SHROOM3: variants seen among roughly 807,000 people sequenced by gnomAD.
The protein encoded by SHROOM3 is shroom family member 3.
Under a neutral mutation model 138.6 loss-of-function variants are expected in SHROOM3, and 47 were observed. The ratio of observed to expected loss-of-function variants is 0.34; its 90% CI spans 0.27 to 0.43. The LOEUF (loss-of-function observed/expected upper bound fraction) is 0.43. SHROOM3 is among the 20% of genes least tolerant of loss of function. The pLI, the probability that SHROOM3 is intolerant of heterozygous loss-of-function variation, is 1.00. For synonymous variants in SHROOM3, 1,062 were observed against 1,063.3 expected, an observed-to-expected ratio of 1.00 and a Z score of 0.02; for missense variants, 2,491 against 2,596.5, an observed-to-expected ratio of 0.96 and a Z score of 0.88.
intron 1 of SHROOM3, among the ~76,000 whole-genome samples, chr4:76,474,763 A>C (rs1337007995): frequency 6.6e-6 from 1 of 151,934 alleles, no homozygotes; most frequent in Non-Finnish European, 1.5e-5. Context: ...AAAATACAAA[A>C]AACAACAACA....
rs1722705583 is a variant in SHROOM3, at chr4:76,780,527, T to A, written c.*1350T>A. The A allele has an allele frequency of 6.6e-6, 1 of 150,752 alleles. No homozygotes were observed. The highest frequency in any genetic ancestry group is 2.4e-5 in the African/African-American group (1 of 40,888). 9.3% of individuals were successfully genotyped at this position (150,752 alleles called of 1,614,324 possible). On this transcript the variant is annotated 3_prime_UTR_variant, in exon 11 of 11. Coordinates refer to ENST00000296043, the MANE Select transcript of SHROOM3 (RefSeq NM_020859.4). The stretch of plus-strand genomic sequence containing the variant: ...TCTTAGAAAATTGGGGGAGTAAAAT[T>A]TTGAAGTAAAAAAAAAAAAAAAATG...
chr4:76,566,056 C>T (rs1733714777), intron 2 of SHROOM3, among the ~76,000 whole-genome samples: 2 of 149,758 alleles, frequency 1.3e-5, no homozygotes, highest in African/African-American at 2.5e-5. Context: ...CTGCAGTGAG[C>T]CATGATCGGG....
chr4:76,669,539 G>A (rs111651147), intron 2 of SHROOM3, among the ~76,000 whole-genome samples: 135 of 151,996 alleles, frequency 8.9e-4, no homozygotes, highest in Admixed American at 2.0e-3. Context: ...ACTTGAACCC[G>A]GGAGGTAGAG....
chr4:76,566,938 CT>C (rs1733736912), intron 2 of SHROOM3, among the ~76,000 whole-genome samples: 2 of 152,234 alleles, frequency 1.3e-5, no homozygotes, highest in Admixed American at 6.5e-5. Flanking sequence ...CGTCTTTGTG[CT>C]TTTGCCAGTA....
chr4:76,577,256 GTC>G (rs1733957552), intron 2 of SHROOM3, among the ~76,000 whole-genome samples: 1 of 152,170 alleles, frequency 6.6e-6, no homozygotes, highest in South Asian at 2.1e-4. Context: ...ATTCCTAGTG[GTC>G]TATATCTTTC....
At chr4:76,723,996 A>T (rs953771515) in intron 3 of SHROOM3, among the ~76,000 whole-genome samples, 1 of 152,244 alleles carries the variant, frequency 6.6e-6, no homozygotes, top group African/African-American at 2.4e-5. Context: ...TTGAAGGCAC[A>T]TAGGTGATTA....
At chr4:76,538,865 C>T (rs1001685709) in intron 1 of SHROOM3, among the ~76,000 whole-genome samples, 5 of 152,114 alleles carry the variant, frequency 3.3e-5, no homozygotes, top group Non-Finnish European at 5.9e-5. Context: ...CCCCAAGGAC[C>T]TATTACCCAC....
intron 2 of SHROOM3, among the ~76,000 whole-genome samples, chr4:76,613,622 G>A (rs1030909857): frequency 1.3e-5 from 2 of 152,208 alleles, no homozygotes; most frequent in Non-Finnish European, 2.9e-5. Context: ...TTCGATGGAA[G>A]TCACCCATTC....
chr4:76,565,658 T>A (rs2110035116), intron 2 of SHROOM3, among the ~76,000 whole-genome samples: 1 of 152,234 alleles, frequency 6.6e-6, no homozygotes, highest in African/African-American at 2.4e-5. Context: ...AATTTTTTTA[T>A]TTTTTGTAGA....
intron 2 of SHROOM3, among the ~76,000 whole-genome samples, chr4:76,619,641 G>A (rs1219345714): frequency 6.6e-6 from 1 of 152,166 alleles, no homozygotes; most frequent in Admixed American, 6.5e-5. Flanking sequence ...TGAGAGGCGA[G>A]CTACTGTTTT....
At chr4:76,699,280 G>A (rs933528834) in intron 2 of SHROOM3, among the ~76,000 whole-genome samples, 12 of 152,138 alleles carry the variant, frequency 7.9e-5, no homozygotes, top group Non-Finnish European at 1.5e-4. Context: ...ATTCCAACTC[G>A]GAGCCTGCAT....
intron 2 of SHROOM3, among the ~76,000 whole-genome samples, chr4:76,582,539 C>T (rs942651130): frequency 6.6e-6 from 1 of 152,186 alleles, no homozygotes; most frequent in Non-Finnish European, 1.5e-5. Context: ...CAAGGCTATT[C>T]ATCTTGGTCT....
chr4:76,738,074 C>T (rs1310135195), intron 4 of SHROOM3, among the ~76,000 whole-genome samples: 1 of 152,126 alleles, frequency 6.6e-6, no homozygotes, highest in African/African-American at 2.4e-5. Flanking sequence ...AATCCCAGCA[C>T]CGAAGAGCCC....
chr4:76,749,573 C>G (rs1043946383), intron 6 of SHROOM3, among the ~76,000 whole-genome samples: 24 of 152,312 alleles, frequency 1.6e-4, no homozygotes, highest in East Asian at 1.5e-3. Flanking sequence ...TGCAGAGCAT[C>G]ACATCTGGTG....
chr4:76,527,848 C>A (rs1366978364), intron 1 of SHROOM3, among the ~76,000 whole-genome samples: 1 of 152,152 alleles, frequency 6.6e-6, no homozygotes, highest in African/African-American at 2.4e-5. Context: ...GCCCTGCTGG[C>A]CAGAGAAATG....
chr4:76,557,383 C>G (rs1352403684), intron 2 of SHROOM3, among the ~76,000 whole-genome samples: 1 of 152,038 alleles, frequency 6.6e-6, no homozygotes, highest in African/African-American at 2.4e-5. Flanking sequence ...AAAACTGTAT[C>G]TTCTCACTTA....
intron 1 of SHROOM3, among the ~76,000 whole-genome samples, chr4:76,488,410 G>A (rs1401833391): frequency 2.0e-5 from 3 of 152,160 alleles, no homozygotes; most frequent in Non-Finnish European, 4.4e-5. Context: ...ATGTATACTT[G>A]AGTAGGAGGT....
intron 8 of SHROOM3, among the ~76,000 whole-genome samples, chr4:76,757,339 A>G (rs752345972): frequency 2.6e-4 from 40 of 152,198 alleles, no homozygotes; most frequent in Non-Finnish European, 5.0e-4. Context: ...CATGTGAGTG[A>G]TGGCACCTGG....
At chr4:76,570,156 A>AACAC (rs57079760) in intron 2 of SHROOM3, among the ~76,000 whole-genome samples, 2,150 of 149,484 alleles carry the variant, frequency 0.014, 35 homozygotes, top group African/African-American at 0.04. Context: ...GAAATGTTAA[A>AACAC]ACACACACAC....
Sources: gnomAD v4.1 joint callset for allele counts (sites outside exome capture counted in the v4.1 genomes callset) on GRCh38, gnomAD v4.1.1 for gene constraint, MANE v1.5 for transcripts, NCBI Gene and HGNC (gene_info 2026-07-23, HGNC 2026-07-21) for gene names.